CDH18: variants seen among roughly 807,000 people sequenced by gnomAD.
CDH18 encodes the protein cadherin-18.
In CDH18, 31 loss-of-function variants were observed where a neutral mutation model predicts 67.9. That is an observed-to-expected ratio of 0.46 (90% confidence interval 0.34 to 0.62). The LOEUF (loss-of-function observed/expected upper bound fraction) is 0.62, where lower values mean the gene tolerates loss of function less well. Ranked by LOEUF, CDH18 falls within the 20% of genes least tolerant of loss-of-function variation. CDH18 has a pLI of 0.01. For synonymous variants in CDH18, 362 were observed against 347.2 expected (o/e 1.04, Z -0.48); for missense variants, 890 against 975.5 (o/e 0.91, Z 1.17).
intron 2 of CDH18, among the ~76,000 whole-genome samples, chr5:19,970,029 A>G (rs1222606233): frequency 1.3e-5 from 2 of 151,984 alleles, no homozygotes; most frequent in African/African-American, 4.8e-5. Flanking sequence ...GTTAAAGGAC[A>G]GAGCTAGATA....
At chr5:20,529,801 T>C (rs907247693) in intron 1 of CDH18, among the ~76,000 whole-genome samples, 1 of 152,010 alleles carries the variant, frequency 6.6e-6, no homozygotes, top group African/African-American at 2.4e-5. Flanking sequence ...GGGCAAAAGT[T>C]GGAAACATTC....
At chr5:20,077,605 G>A (rs183894615) in intron 2 of CDH18, among the ~76,000 whole-genome samples, 118 of 152,310 alleles carry the variant, frequency 7.7e-4, no homozygotes, top group African/African-American at 2.7e-3. Context: ...AGGAGATGTG[G>A]CTATTTGCTG....
chr5:19,590,973 G>A (rs958601255), intron 7 of CDH18, 84 bp downstream of exon 7: 44 of 702,488 alleles, frequency 6.3e-5, no homozygotes, highest in South Asian at 1.3e-4. Flanking sequence ...GCCTGACAGC[G>A]TGGATTATTC....
At chr5:20,280,084 T>C (rs1460774657) in intron 1 of CDH18, among the ~76,000 whole-genome samples, 1 of 152,130 alleles carries the variant, frequency 6.6e-6, no homozygotes, top group Non-Finnish European at 1.5e-5. Flanking sequence ...AAACTACTCA[T>C]ACCTCAAACA....
At chr5:20,561,292 A>C (rs1387001051) in intron 1 of CDH18, among the ~76,000 whole-genome samples, 2 of 152,090 alleles carry the variant, frequency 1.3e-5, no homozygotes, top group African/African-American at 4.8e-5. Context: ...ATACACACAA[A>C]ACACTGCACA....
At chr5:20,494,549 A>G (rs1331564978) in intron 1 of CDH18, among the ~76,000 whole-genome samples, 2 of 152,208 alleles carry the variant, frequency 1.3e-5, no homozygotes. Flanking sequence ...AAAAGAAAAT[A>G]ACTGTTTTCT....
chr5:20,301,638 A>G (rs1393401665), intron 1 of CDH18, among the ~76,000 whole-genome samples: 1 of 152,216 alleles, frequency 6.6e-6, no homozygotes, highest in Non-Finnish European at 1.5e-5. Flanking sequence ...CTTCTGAAAT[A>G]GAACAACTGA....
chr5:20,406,556 C>T (rs1162635435), intron 1 of CDH18, among the ~76,000 whole-genome samples: 2 of 140,060 alleles, frequency 1.4e-5, no homozygotes, highest in Non-Finnish European at 3.2e-5. Flanking sequence ...TGCACATGTA[C>T]CCTAAAACTT....
Position 20,489,110 on chromosome 5 carries a change from T to A in CDH18, c.-580+86352A>T, listed in dbSNP as rs115644769. Among the ~76,000 whole-genome samples the A allele has an allele frequency of 3.7e-3, 557 of 152,180 alleles. 2 individuals are homozygous for A. The highest frequency in any genetic ancestry group is 0.013 in the African/African-American group (523 of 41,568). ...TCTCTATTACATACATCCAGGAAAC[T>A]TGCTGAGACCTCTATGCTTCTATAT... is the stretch of plus-strand genomic sequence containing the variant. On this transcript the variant is annotated intron_variant, in intron 1 of 14. Coordinates refer to the CDH18 transcript ENST00000507958.
At chr5:20,218,459 A>G (rs557132170) in intron 2 of CDH18, among the ~76,000 whole-genome samples, 13 of 152,030 alleles carry the variant, frequency 8.6e-5, no homozygotes, top group Admixed American at 6.6e-4. Context: ...TTAAAAGTAT[A>G]TTGAAACAAA....
chr5:20,311,409 A>G (rs574888203), intron 1 of CDH18, among the ~76,000 whole-genome samples: 9 of 152,210 alleles, frequency 5.9e-5, no homozygotes, highest in Non-Finnish European at 1.0e-4. Flanking sequence ...ACGTCCATCA[A>G]TGATAGACTA....
intron 2 of CDH18, among the ~76,000 whole-genome samples, chr5:20,080,246 T>C (rs1744334188): frequency 6.6e-6 from 1 of 152,184 alleles, no homozygotes; most frequent in South Asian, 2.1e-4. Flanking sequence ...TTATCCTTTT[T>C]TTATTACATT....
intron 1 of CDH18, among the ~76,000 whole-genome samples, chr5:20,409,757 T>C (rs1746605035): frequency 6.6e-6 from 1 of 151,306 alleles, no homozygotes; most frequent in Admixed American, 6.6e-5. Flanking sequence ...TTAGCTAGAC[T>C]AACTAAGAAT....
intron 8 of CDH18, 111 bp downstream of exon 8, chr5:19,571,468 G>C (rs1437051165): frequency 1.0e-6 from 1 of 978,976 alleles, no homozygotes; most frequent in African/African-American, 1.7e-5. Flanking sequence ...AATTATATTC[G>C]TAGAAAACAA....
chr5:20,340,763 C>T lies in CDH18; in HGVS notation c.-579-85258G>A, dbSNP rs1415037311. ...GGAGTGAGCCTTTCTGATCTCCCCT[C>T]CAATCTGGGCCTTCCTCCTCCTGTA... On this transcript the variant is annotated intron_variant, in intron 1 of 14. Coordinates refer to the CDH18 transcript ENST00000507958. 2.6e-5 allele frequency among the ~76,000 whole-genome samples: 4 copies of T among 152,140 alleles called. No individual in the cohort carries two copies. The East Asian group carries it at 7.7e-4, about 29-fold the overall frequency.
At chr5:19,982,310 T>C (rs1799136285) in intron 1 of CDH18, among the ~76,000 whole-genome samples, 1 of 152,104 alleles carries the variant, frequency 6.6e-6, no homozygotes, top group African/African-American at 2.4e-5. Flanking sequence ...TCATTCAAAT[T>C]ATATCACATT....
At chr5:19,989,925 A>T (rs1799886219), upstream of CDH18, among the ~76,000 whole-genome samples, 1 of 152,356 alleles carries the variant, frequency 6.6e-6, no homozygotes, top group East Asian at 1.9e-4. Flanking sequence ...GGAAATTTCC[A>T]AAATTTAAAC....
At chr5:20,146,032 T>C (rs139684800) in intron 2 of CDH18, among the ~76,000 whole-genome samples, 1 of 152,288 alleles carries the variant, frequency 6.6e-6, no homozygotes, top group Non-Finnish European at 1.5e-5. Flanking sequence ...ACTAACCTTG[T>C]TGCATTTCCT....
intron 2 of CDH18, among the ~76,000 whole-genome samples, chr5:20,161,964 C>T (rs1735924703): frequency 6.6e-6 from 1 of 151,958 alleles, no homozygotes; most frequent in African/African-American, 2.4e-5. Context: ...TTCCACCTAG[C>T]TCTTCATTTT....
Sources: gnomAD v4.1 joint callset for allele counts (sites outside exome capture counted in the v4.1 genomes callset) on GRCh38, gnomAD v4.1.1 for gene constraint, MANE v1.5 for transcripts, NCBI Gene and HGNC (gene_info 2026-07-23, HGNC 2026-07-21) for gene names.